The following USP34 variants were observed in gnomAD, a reference collection of about 807,000 sequenced individuals.
USP34 encodes the protein ubiquitin carboxyl-terminal hydrolase 34.
A neutral mutation model predicts 460.3 loss-of-function variants in USP34; 70 were observed. The observed-to-expected ratio is 0.15, with a 90% CI of 0.13 to 0.19. The LOEUF (loss-of-function observed/expected upper bound fraction) is 0.19, where lower values mean the gene tolerates loss of function less well. Ranked by LOEUF, USP34 falls within the 10% of genes least tolerant of loss-of-function variation. The pLI is 1.00. For missense variants in USP34, 3,985 were observed against 4,236.2 expected, an observed-to-expected ratio of 0.94 and a Z score of 1.65; for synonymous variants, 1,647 against 1,405.3, an observed-to-expected ratio of 1.17 and a Z score of -3.85.
chr2:61,421,125 A>G (rs1283651041), intron 1 of USP34, among the ~76,000 whole-genome samples: 1 of 152,130 alleles, frequency 6.6e-6, no homozygotes, highest in Admixed American at 6.6e-5. Flanking sequence ...CATGCAATCT[A>G]CATTTTTCAT....
chr2:61,443,447 TTAAAA>T (rs1695022891), intron 1 of USP34, among the ~76,000 whole-genome samples: 1 of 151,252 alleles, frequency 6.6e-6, no homozygotes, highest in Non-Finnish European at 1.5e-5. Flanking sequence ...ATTACGTCAA[TTAAAA>T]TAAATTTTTT....
chr2:61,285,602 C>G (rs1252306680), intron 34 of USP34, among the ~76,000 whole-genome samples: 1 of 151,952 alleles, frequency 6.6e-6, no homozygotes, highest in Admixed American at 6.6e-5. Flanking sequence ...CTGCATACCA[C>G]TGAACTGGGG....
At chr2:61,237,958 G>T (rs189587245) in intron 53 of USP34, among the ~76,000 whole-genome samples, 10 of 151,620 alleles carry the variant, frequency 6.6e-5, no homozygotes, top group African/African-American at 2.4e-4. Context: ...GTGCAATGGC[G>T]CGATCTCGGC....
intron 1 of USP34, among the ~76,000 whole-genome samples, chr2:61,436,069 A>T (rs1198861724): frequency 6.6e-6 from 1 of 152,088 alleles, no homozygotes; most frequent in African/African-American, 2.4e-5. Flanking sequence ...ACTGAACAAC[A>T]ACAAAAAAAT....
chr2:61,311,412 C>T, intron 27 of USP34, 128 bp downstream of exon 27: 4 of 969,184 alleles, frequency 4.1e-6, no homozygotes, highest in South Asian at 3.9e-5. Flanking sequence ...AAGACAGTTG[C>T]TATATGATAT....
chr2:61,273,950 A>G (rs940023906), intron 41 of USP34, among the ~76,000 whole-genome samples: 5 of 152,134 alleles, frequency 3.3e-5, no homozygotes, highest in South Asian at 2.1e-4. Flanking sequence ...CCTTTCACCT[A>G]AACAATTTCC....
intron 10 of USP34, among the ~76,000 whole-genome samples, chr2:61,351,188 G>C (rs764967635): frequency 2.0e-5 from 3 of 152,132 alleles, no homozygotes; most frequent in Non-Finnish European, 4.4e-5. Flanking sequence ...ACAAAAATAA[G>C]TTAAATAGTA....
intron 75 of USP34, among the ~76,000 whole-genome samples, chr2:61,198,564 T>TC (rs2103755847): frequency 6.6e-6 from 1 of 152,118 alleles, no homozygotes; most frequent in East Asian, 1.9e-4. Context: ...AGACTTTTTT[T>TC]TTTTTTTTTT....
intron 75 of USP34, among the ~76,000 whole-genome samples, chr2:61,199,150 T>C (rs1686895176): frequency 6.6e-6 from 1 of 152,230 alleles, no homozygotes; most frequent in South Asian, 2.1e-4. Context: ...CAACTTCTTA[T>C]TGTTTCTGGG....
At position 61,319,291 on chromosome 2, in the gene USP34, C is replaced by G. The variant is rs1329274375; in HGVS notation, c.3050G>C (p.Cys1017Ser). 1.3e-6 allele frequency: 2 copies of G among 1,579,876 alleles called. No individual in the cohort carries two copies. The highest frequency in any genetic ancestry group is 4.0e-5 in the Admixed American group (2 of 50,462). Residue 1017 changes from cysteine (C) to serine (S), a missense_variant, in exon 22 of 80, where the codon TGT becomes TCT. Coordinates refer to ENST00000398571, the MANE Select transcript of USP34 (RefSeq NM_014709.4). ...SLEQVDILWH[C>S]LVEDSECYDD... ...ATAACATTCAGAATCTTCTACTAAA[C>G]AATGCCATAAGATGTCAACTTGCTC...
At chr2:61,227,339 T>C in intron 61 of USP34, 121 bp from the exon 62 acceptor site, 2 of 1,108,070 alleles carry the variant, frequency 1.8e-6, no homozygotes, top group Non-Finnish European at 2.6e-6. Flanking sequence ...GAAAAACAAC[T>C]GCACAAAGAC....
At chr2:61,346,529 A>C (rs1691773518) in intron 15 of USP34, among the ~76,000 whole-genome samples, 1 of 30,576 alleles carries the variant, frequency 3.3e-5, no homozygotes, top group Non-Finnish European at 5.9e-5. Flanking sequence ...CTATCTCTTA[A>C]AAAAAAAAAA....
intron 10 of USP34, among the ~76,000 whole-genome samples, chr2:61,362,997 G>C (rs1255755710): frequency 2.0e-4 from 30 of 151,962 alleles, no homozygotes; most frequent in Non-Finnish European, 5.9e-5. Flanking sequence ...AATATTTTTT[G>C]TAAAACTCAA....
At chr2:61,343,030 T>C (rs1320241280) in intron 16 of USP34, among the ~76,000 whole-genome samples, 1 of 152,158 alleles carries the variant, frequency 6.6e-6, no homozygotes, top group Admixed American at 6.6e-5. Flanking sequence ...TACAAATCAG[T>C]AAATTGTTGC....
In USP34 at chr2:61,227,078, A is replaced by G; in HGVS notation, c.7584T>C (p.Ser2528=). 1 of 1,608,396 alleles carries G rather than the reference A, an allele frequency of 6.2e-7. No homozygotes were observed. The highest frequency in any genetic ancestry group is 8.5e-7 in the Non-Finnish European group (1 of 1,178,730). ...TCGAAACATTTCACCTTTCTGATCG[A>G]GACTGTTCAACCAAAAGAGCAACTA... ...IALVALLVEQ[S]RSERHLTLSQ... is the part of the protein sequence containing the mutation. The change falls in exon 62 of 80, where the codon TCT becomes TCC. Residue 2528 remains serine, a synonymous_variant. Coordinates refer to ENST00000398571, the MANE Select transcript of USP34 (RefSeq NM_014709.4).
chr2:61,370,793 G>A (rs55746967), intron 8 of USP34, among the ~76,000 whole-genome samples: 17 of 152,200 alleles, frequency 1.1e-4, no homozygotes, highest in East Asian at 7.7e-4. Flanking sequence ...AACAAGCAAC[G>A]AATAACTGAA....
At chr2:61,247,188 G>A (rs1688439189) in intron 49 of USP34, among the ~76,000 whole-genome samples, 1 of 152,188 alleles carries the variant, frequency 6.6e-6, no homozygotes, top group Non-Finnish European at 1.5e-5. Context: ...GTTTGAAGAT[G>A]ATGTATGATT....
At chr2:61,353,392 A>G (rs897049049) in intron 10 of USP34, among the ~76,000 whole-genome samples, 2 of 143,872 alleles carry the variant, frequency 1.4e-5, no homozygotes, top group African/African-American at 2.6e-5. Flanking sequence ...TCCTAGACGA[A>G]TGTTTTTTTT....
At chr2:61,208,703 T>A in intron 70 of USP34, 196 bp downstream of exon 70, 2 of 340,388 alleles carry the variant, frequency 5.9e-6, no homozygotes, top group Non-Finnish European at 1.1e-5. Context: ...GGAATTACTA[T>A]GGAAAAAGGA....
Sources: allele counts gnomAD v4.1 joint callset (sites outside exome capture counted in the v4.1 genomes callset), GRCh38; gene constraint gnomAD v4.1.1; transcripts MANE v1.5; gene names NCBI Gene and HGNC (gene_info 2026-07-23, HGNC 2026-07-21).